CCSER1: variants seen among roughly 807,000 people sequenced by gnomAD.
The protein encoded by CCSER1 is coiled-coil serine rich protein 1.
CCSER1 carries 41 observed loss-of-function variants against 82.0 expected under a neutral mutation model. The observed-to-expected ratio is 0.50, with a 90% CI of 0.39 to 0.65. The LOEUF (loss-of-function observed/expected upper bound fraction) is 0.65. Among genes scored for constraint, CCSER1 ranks in the 30% least tolerant of loss-of-function variants. The pLI, the probability that CCSER1 is intolerant of heterozygous loss-of-function variation, is 0.00. For synonymous variants in CCSER1, 414 were observed against 383.9 expected (o/e 1.08, Z -0.92); for missense variants, 1,119 against 1,064.2 (o/e 1.05, Z -0.72).
intron 10 of CCSER1, among the ~76,000 whole-genome samples, chr4:91,535,549 T>C (rs1465613883): frequency 6.6e-6 from 1 of 152,130 alleles, no homozygotes; most frequent in African/African-American, 2.4e-5. Flanking sequence ...CAGTTGGATG[T>C]CTTTTGGGAA....
chr4:90,128,678 G>C (rs372708938), intron 1 of CCSER1, among the ~76,000 whole-genome samples: 1 of 152,104 alleles, frequency 6.6e-6, no homozygotes, highest in South Asian at 2.1e-4. Context: ...GGTGACGGAG[G>C]GATTTGTGAA....
chr4:90,305,459 G>C (rs1734090559), intron 1 of CCSER1, among the ~76,000 whole-genome samples: 2 of 152,216 alleles, frequency 1.3e-5, no homozygotes, highest in Middle Eastern at 3.4e-3. Context: ...AAATATCGTG[G>C]CTGTAAGTGA....
At chr4:90,492,090 T>A (rs564157655) in intron 5 of CCSER1, among the ~76,000 whole-genome samples, 1 of 152,296 alleles carries the variant, frequency 6.6e-6, no homozygotes. Context: ...TCAGAAGGAA[T>A]GGTGCCAGCT....
At chr4:90,328,269 G>A (rs1290491140) in intron 3 of CCSER1, among the ~76,000 whole-genome samples, 1 of 152,010 alleles carries the variant, frequency 6.6e-6, no homozygotes, top group East Asian at 1.9e-4. Flanking sequence ...AACTCTGAAG[G>A]CAATTATCTT....
chr4:91,562,067 G>T (rs1762677892), intron 10 of CCSER1, among the ~76,000 whole-genome samples: 2 of 151,398 alleles, frequency 1.3e-5, no homozygotes, highest in Non-Finnish European at 3.0e-5. Context: ...AGTGAGAATT[G>T]TACTCCACTG....
intron 10 of CCSER1, among the ~76,000 whole-genome samples, chr4:91,231,058 C>A (rs1181825566): frequency 6.6e-6 from 1 of 151,686 alleles, no homozygotes; most frequent in African/African-American, 2.4e-5. Context: ...CTGGCAATAT[C>A]TTATAAAATA....
chr4:91,212,419 G>A (rs1736893521), intron 10 of CCSER1, among the ~76,000 whole-genome samples: 1 of 151,874 alleles, frequency 6.6e-6, no homozygotes, highest in African/African-American at 2.4e-5. Flanking sequence ...ATCCCTCAGT[G>A]TTTCAGCTGC....
chr4:91,020,412 C>T (rs1013324111), intron 9 of CCSER1, among the ~76,000 whole-genome samples: 1 of 152,146 alleles, frequency 6.6e-6, no homozygotes, highest in African/African-American at 2.4e-5. Context: ...CCTGTCATCC[C>T]AGCACTTTGG....
intron 6 of CCSER1, among the ~76,000 whole-genome samples, chr4:90,638,833 A>G (rs752628546): frequency 6.6e-6 from 1 of 152,086 alleles, no homozygotes; most frequent in East Asian, 1.9e-4. Context: ...ACAAAATTCC[A>G]CTGGAGGAAG....
intron 10 of CCSER1, among the ~76,000 whole-genome samples, chr4:91,252,762 C>G (rs1364667791): frequency 4.6e-5 from 7 of 151,962 alleles, no homozygotes; most frequent in Non-Finnish European, 1.5e-5. Context: ...AATGATATAA[C>G]TTTAGGACAT....
chr4:91,023,380 G>C (rs2150533344), intron 9 of CCSER1, among the ~76,000 whole-genome samples: 1 of 152,290 alleles, frequency 6.6e-6, no homozygotes, highest in African/African-American at 2.4e-5. Context: ...CAAAGCTGGA[G>C]ACATCACGCT....
intron 9 of CCSER1, among the ~76,000 whole-genome samples, chr4:90,942,499 T>C (rs180693298): frequency 5.6e-4 from 85 of 152,258 alleles, no homozygotes; most frequent in Admixed American, 1.3e-3. Context: ...ATACAAGAAA[T>C]TGATGAACAA....
chr4:91,095,481 A>G (rs1581541599), intron 10 of CCSER1, among the ~76,000 whole-genome samples: 1 of 151,970 alleles, frequency 6.6e-6, no homozygotes, highest in South Asian at 2.1e-4. Context: ...GCGGCTTGTT[A>G]CATCTCTATT....
intron 10 of CCSER1, among the ~76,000 whole-genome samples, chr4:91,300,768 C>T (rs1383041785): frequency 6.6e-6 from 1 of 151,668 alleles, no homozygotes; most frequent in South Asian, 2.1e-4. Context: ...AAATGTTTAT[C>T]GCCAAAGAGA....
intron 6 of CCSER1, among the ~76,000 whole-genome samples, chr4:90,674,983 G>A (rs1444177456): frequency 6.6e-6 from 1 of 151,964 alleles, no homozygotes; most frequent in Non-Finnish European, 1.5e-5. Flanking sequence ...AGTAAATGCA[G>A]CATATGCTTA....
chr4:90,137,534 G>T (rs577718428), intron 1 of CCSER1, among the ~76,000 whole-genome samples: 3 of 152,206 alleles, frequency 2.0e-5, no homozygotes, highest in Non-Finnish European at 2.9e-5. Flanking sequence ...TCTGAGGAGA[G>T]TCAGGTTCAT....
chr4:90,981,263 T>A lies in CCSER1; in HGVS notation c.2172+57816T>A, dbSNP rs186024859. Among the ~76,000 whole-genome samples the A allele has an allele frequency of 2.2e-3, 334 of 151,956 alleles. 1 individual carries two copies. Among genetic ancestry groups the A allele is most frequent in the Non-Finnish European group, 3.1e-3 (208 of 67,842 alleles). ...ACTATGAAAAAGTTTAGATATTTCC[T>A]AGTATCAGCTCCTAACTAAACTATT... is the stretch of plus-strand genomic sequence containing the variant. On this transcript the variant is annotated intron_variant, in intron 9 of 10. Transcript: ENST00000509176.
Position 90,206,243 on chromosome 4 carries a change from T to A in CCSER1, c.-42+78412T>A, listed in dbSNP as rs1347190306. On this transcript the variant is annotated intron_variant, in intron 1 of 10. Transcript: ENST00000509176. ...GTTATTTCTTATCTTCTGCTAGCTT[T>A]TGAATTTGTTTGCTCTTGCTTCTCT... Among the ~76,000 whole-genome samples, 4 of 152,188 alleles carry A rather than the reference T, an allele frequency of 2.6e-5. No individual in the cohort carries two copies. In the South Asian group the frequency reaches 8.3e-4, roughly 32 times the overall value.
chr4:90,691,045 G>C (rs1735726728), intron 6 of CCSER1, among the ~76,000 whole-genome samples: 3 of 151,984 alleles, frequency 2.0e-5, no homozygotes. Flanking sequence ...GTGTAAGATG[G>C]TTGCTGTGAG....
Sources: allele counts gnomAD v4.1 joint callset (sites outside exome capture counted in the v4.1 genomes callset), GRCh38; gene constraint gnomAD v4.1.1; transcripts MANE v1.5; gene names NCBI Gene and HGNC (gene_info 2026-07-23, HGNC 2026-07-21).